Variants in NSUN3 observed in about 807,000 individuals in gnomAD.
The protein encoded by NSUN3 is NOP2/Sun RNA methyltransferase 3.
A neutral mutation model predicts 36.8 loss-of-function variants in NSUN3; 24 were observed. The observed-to-expected ratio is 0.65, with a 90% confidence interval of 0.47 to 0.92. The LOEUF (loss-of-function observed/expected upper bound fraction) is 0.92, where lower values mean the gene tolerates loss of function less well. Ranked by LOEUF, NSUN3 falls within the 40% of genes least tolerant of loss-of-function variation. NSUN3 has a pLI of 0.00. For missense variants in NSUN3, 381 were observed against 392.8 expected, an observed-to-expected ratio of 0.97 and a Z score of 0.25; for synonymous variants, 146 against 145.2, an observed-to-expected ratio of 1.01 and a Z score of -0.04.
At chr3:94,108,854 G>T (rs1343543721) in intron 5 of NSUN3, among the ~76,000 whole-genome samples, 1 of 151,860 alleles carries the variant, frequency 6.6e-6, no homozygotes, top group African/African-American at 2.4e-5. Flanking sequence ...TAGTAGAGAC[G>T]GGGTTTCACC....
At chr3:94,095,450 G>A (rs1316786095) in intron 5 of NSUN3, among the ~76,000 whole-genome samples, 1 of 152,168 alleles carries the variant, frequency 6.6e-6, no homozygotes, top group Non-Finnish European at 1.5e-5. Context: ...CAACCCTGGG[G>A]GTTCATAGCC....
At chr3:94,084,727 T>C in intron 3 of NSUN3, 1 of 296,618 alleles carries the variant, frequency 3.4e-6, no homozygotes, top group South Asian at 6.2e-5. Flanking sequence ...ATAAGCCTGA[T>C]AGGTATTTTT....
intron 3 of NSUN3, among the ~76,000 whole-genome samples, chr3:94,086,925 A>G (rs576255633): frequency 2.0e-5 from 3 of 152,346 alleles, no homozygotes; most frequent in Admixed American, 1.3e-4. Context: ...ATGAAAGGGA[A>G]ATGTCAAATT....
chr3:94,095,177 T>A, intron 5 of NSUN3, 23 bp downstream of exon 5: 1 of 1,607,282 alleles, frequency 6.2e-7, no homozygotes. Context: ...AATACAAAAG[T>A]GTATTTTGGT....
chr3:94,112,444 G>A (rs13076476), intron 5 of NSUN3, among the ~76,000 whole-genome samples: 33,723 of 152,006 alleles, frequency 0.22, 4,974 homozygotes, highest in Non-Finnish European at 0.33. Flanking sequence ...CTAATATAAC[G>A]GAGAGAGAAA....
intron 2 of NSUN3, 72 bp downstream of exon 2, chr3:94,064,618 G>A: frequency 2.1e-6 from 2 of 938,620 alleles, no homozygotes; most frequent in African/African-American, 1.6e-5. Context: ...TTGTGGGAGG[G>A]ATGCTGTGAG....
chr3:94,113,261 G>C lies in NSUN3; in HGVS notation c.744-12950G>C, dbSNP rs1481064872. ...AGCCCTTACGTAATGAATGGCAGGGGATAACTGCCATTAAAAGTATGAGCT... is the reference window on the plus strand; with the variant it reads ...AGCCCTTACGTAATGAATGGCAGGGCATAACTGCCATTAAAAGTATGAGCT... On this transcript the variant is annotated intron_variant, in intron 5 of 5. Transcript: ENST00000314622. Among the ~76,000 whole-genome samples, 4 of 152,080 alleles carry C rather than the reference G, an allele frequency of 2.6e-5. No homozygotes were observed. The South Asian group carries it at 8.3e-4, about 32-fold the overall frequency.
intron 2 of NSUN3, among the ~76,000 whole-genome samples, chr3:94,069,778 T>C (rs926095257): frequency 6.6e-6 from 1 of 152,210 alleles, no homozygotes. Context: ...ACTCCAATTT[T>C]ATTCATTTAC....
At chr3:94,107,367 C>A (rs997945380) in intron 5 of NSUN3, among the ~76,000 whole-genome samples, 4 of 151,938 alleles carry the variant, frequency 2.6e-5, no homozygotes, top group Non-Finnish European at 4.4e-5. Flanking sequence ...GTGATCATGC[C>A]GCCTTGACCT....
chr3:94,109,728 G>T (rs2077408112), intron 5 of NSUN3, among the ~76,000 whole-genome samples: 1 of 152,242 alleles, frequency 6.6e-6, no homozygotes, highest in South Asian at 2.1e-4. Context: ...ATTCCTGGAG[G>T]AGCTGTGGGC....
At chr3:94,109,585 A>G (rs2077407631) in intron 5 of NSUN3, among the ~76,000 whole-genome samples, 1 of 152,208 alleles carries the variant, frequency 6.6e-6, no homozygotes, top group Non-Finnish European at 1.5e-5. Flanking sequence ...CGAAGACAAA[A>G]GATGAAACAC....
intron 2 of NSUN3, chr3:94,076,972 A>G: frequency 1.0e-6 from 1 of 960,684 alleles, no homozygotes; most frequent in Non-Finnish European, 1.7e-6. Flanking sequence ...GTGTGTACCC[A>G]GGACAAGTCG....
intron 1 of NSUN3, 116 bp downstream of exon 1, chr3:94,063,254 C>A: frequency 9.9e-7 from 1 of 1,013,916 alleles, no homozygotes; most frequent in Non-Finnish European, 1.6e-6. Flanking sequence ...CGTCCCCTCG[C>A]GAGATCAGCG....
In NSUN3 at chr3:94,079,883, A is replaced by T. The variant is rs1315211736; in HGVS notation, c.123-4224A>T. On this transcript the variant is annotated intron_variant, in intron 2 of 5. Transcript: ENST00000314622. ...GCATTGGGTTAGAATATGCTCCTTT[A>T]GCTTGGAAGAGTTTGTTATAACCCA... is the stretch of plus-strand genomic sequence containing the variant. 1.8e-4 allele frequency among the ~76,000 whole-genome samples: 28 copies of T among 151,986 alleles called. 2 individuals are homozygous for T. Among genetic ancestry groups the T allele is most frequent in the Non-Finnish European group, 2.9e-5 (2 of 67,980 alleles).
chr3:94,064,363 A>G, intron 1 of NSUN3, 74 bp from the exon 2 acceptor site: 1 of 875,394 alleles, frequency 1.1e-6, no homozygotes, highest in Non-Finnish European at 1.9e-6. Flanking sequence ...TCTTAAAAAA[A>G]GACCTTGCTA....
In NSUN3 at chr3:94,078,760, G is replaced by A. The variant is rs1347806431; in HGVS notation, c.123-5347G>A. On this transcript the variant is annotated intron_variant, in intron 2 of 5. Coordinates refer to ENST00000314622, the MANE Select transcript of NSUN3 (RefSeq NM_022072.5). ...ATCAGAGATTAGGATTGGAACTCCT[G>A]CTTATTTTTGCTTTCCATTTGCTTG... 2.0e-5 allele frequency among the ~76,000 whole-genome samples: 3 copies of A among 152,106 alleles called. No homozygotes were observed. In the East Asian group the frequency reaches 5.8e-4, roughly 29 times the overall value.
At chr3:94,105,850 G>C (rs749284415) in intron 5 of NSUN3, among the ~76,000 whole-genome samples, 15 of 151,088 alleles carry the variant, frequency 9.9e-5, no homozygotes, top group Non-Finnish European at 2.2e-4. Context: ...GACAAAATCA[G>C]GTCAATTCTG....
At chr3:94,081,505 C>G (rs1052927433) in intron 2 of NSUN3, 1 of 152,206 alleles carries the variant, frequency 6.6e-6, no homozygotes, top group African/African-American at 2.4e-5. Context: ...TGATCCACAT[C>G]AGACTACTAA....
At chr3:94,102,228 CTA>C (rs2077369096) in intron 5 of NSUN3, among the ~76,000 whole-genome samples, 3 of 111,966 alleles carry the variant, frequency 2.7e-5, no homozygotes, top group Admixed American at 8.7e-5. Flanking sequence ...AAAAAAAACA[CTA>C]ACATCTATTC....
Sources: allele counts gnomAD v4.1 joint callset (sites outside exome capture counted in the v4.1 genomes callset), GRCh38; gene constraint gnomAD v4.1.1; transcripts MANE v1.5; gene names NCBI Gene and HGNC (gene_info 2026-07-23, HGNC 2026-07-21).